Variants in CPS1 observed in about 807,000 individuals in gnomAD.
CPS1 encodes carbamoyl-phosphate synthase [ammonia], mitochondrial.
A neutral mutation model predicts 174.6 loss-of-function variants in CPS1; 109 were observed. That is an observed-to-expected ratio of 0.62 (90% CI 0.53 to 0.73). The LOEUF is 0.73. Among genes scored for constraint, CPS1 ranks in the 30% least tolerant of loss-of-function variants. The pLI, the probability that CPS1 is intolerant of heterozygous loss-of-function variation, is 0.00. For missense variants in CPS1, 1,689 were observed against 1,821.9 expected (o/e 0.93, Z 1.33); for synonymous variants, 637 against 632.0 (o/e 1.01, Z -0.12).
At chr2:210,660,373 A>G (rs1012794646) in intron 31 of CPS1, 112 bp from the exon 32 acceptor site, 1 of 1,058,374 alleles carries the variant, frequency 9.4e-7, no homozygotes, top group Non-Finnish European at 1.5e-6. Context: ...TTAGCAAAAC[A>G]AGAGCTGGTC....
At chr2:210,520,175 G>A (rs1165352621) in intron 1 of CPS1, among the ~76,000 whole-genome samples, 2 of 151,904 alleles carry the variant, frequency 1.3e-5, no homozygotes, top group Non-Finnish European at 2.9e-5. Flanking sequence ...GTTTATTAAT[G>A]TATAATTGAC....
chr2:210,604,970 G>T, intron 16 of CPS1, 132 bp from the exon 17 acceptor site: 1 of 913,740 alleles, frequency 1.1e-6, no homozygotes, highest in Non-Finnish European at 1.7e-6. Flanking sequence ...TGCCTTCTGT[G>T]CAGGGGAGAA....
rs1407453471 is a variant in CPS1, at chr2:210,608,513, A to G, written c.2345A>G (p.His782Arg). The change falls in exon 19 of 38, where the codon CAT becomes CGT. Residue 782 changes from histidine (H) to arginine (R), a missense_variant. His to Arg is a conservative substitution (Grantham distance 29). Transcript: ENST00000233072. ...CCCCGCTGGGATCTTGACCGTTTTC[A>G]TGGAACATCTAGCCGAATTGGTAGC... ...KIPRWDLDRF[H>R]GTSSRIGSSM... The G allele has an allele frequency of 5.0e-6, 8 of 1,612,128 alleles. No individual in the cohort carries two copies. Among genetic ancestry groups the G allele is most frequent in the African/African-American group, 1.3e-5 (1 of 74,770 alleles).
intron 21 of CPS1, among the ~76,000 whole-genome samples, chr2:210,633,365 CTT>C (rs1699930880): frequency 6.6e-6 from 1 of 151,984 alleles, no homozygotes; most frequent in South Asian, 2.1e-4. Context: ...TTTCTCTCTT[CTT>C]TCTCGTTCTC....
intron 1 of CPS1, among the ~76,000 whole-genome samples, chr2:210,571,867 G>T (rs1697504806): frequency 4.8e-5 from 1 of 20,976 alleles, no homozygotes; most frequent in Admixed American, 3.3e-4. Flanking sequence ...GTGTGTGTGT[G>T]TGTGTGTGTG....
chr2:210,612,390 A>G, intron 20 of CPS1, 97 bp downstream of exon 20: 2 of 1,468,372 alleles, frequency 1.4e-6, no homozygotes, highest in East Asian at 4.6e-5. Flanking sequence ...GTGGTTTTAA[A>G]TCAGGGATTT....
At chr2:210,590,720 G>T in intron 8 of CPS1, 80 bp from the exon 9 acceptor site, 1 of 1,034,384 alleles carries the variant, frequency 9.7e-7, no homozygotes, top group Non-Finnish European at 1.5e-6. Context: ...AAGAAAAAAG[G>T]ATACCTCATT....
At chr2:210,602,011 C>T (rs1369884368) in intron 15 of CPS1, among the ~76,000 whole-genome samples, 191 bp from the exon 16 acceptor site, 3 of 151,812 alleles carry the variant, frequency 2.0e-5, no homozygotes, top group South Asian at 4.2e-4. Flanking sequence ...TATATCCTCC[C>T]TTCTAGAATT....
chr2:210,620,653 C>A (rs1574603848), intron 21 of CPS1, among the ~76,000 whole-genome samples: 1 of 151,950 alleles, frequency 6.6e-6, no homozygotes, highest in Non-Finnish European at 1.5e-5. Flanking sequence ...AAGCAGGAGC[C>A]AGCCAGAGAG....
chr2:210,517,355 C>T (rs541114941), intron 1 of CPS1, among the ~76,000 whole-genome samples: 1 of 151,954 alleles, frequency 6.6e-6, no homozygotes, highest in South Asian at 2.1e-4. Flanking sequence ...AAGTCCACGG[C>T]GTGCTCATGA....
At chr2:210,633,584 C>T (rs953716406) in intron 21 of CPS1, among the ~76,000 whole-genome samples, 10 of 152,068 alleles carry the variant, frequency 6.6e-5, no homozygotes, top group East Asian at 3.9e-4. Context: ...TGAATGTAGA[C>T]GACACAAATG....
At chr2:210,611,836 G>C (rs1476051285) in intron 19 of CPS1, among the ~76,000 whole-genome samples, 1 of 151,746 alleles carries the variant, frequency 6.6e-6, no homozygotes, top group Non-Finnish European at 1.5e-5. Context: ...CTATGGTCCA[G>C]AGCAGGTACA....
intron 1 of CPS1, among the ~76,000 whole-genome samples, chr2:210,516,752 G>T (rs1380293614): frequency 1.3e-5 from 2 of 151,844 alleles, no homozygotes; most frequent in African/African-American, 4.8e-5. Flanking sequence ...TATATATGCT[G>T]TTCTCTCTAT....
At chr2:210,541,193 G>A (rs1346432773) in intron 1 of CPS1, among the ~76,000 whole-genome samples, 1 of 152,148 alleles carries the variant, frequency 6.6e-6, no homozygotes, top group Non-Finnish European at 1.5e-5. Context: ...CATCTTTATT[G>A]AGACTGATAG....
At chr2:210,478,922 C>T (rs1220295322) in intron 1 of CPS1, among the ~76,000 whole-genome samples, 818 of 38,950 alleles carry the variant, frequency 0.021, 9 homozygotes, top group African/African-American at 0.037. Context: ...CTCCCCCCTC[C>T]CCCCTTCCCC....
chr2:210,627,868 C>A (rs1211588350), intron 21 of CPS1, among the ~76,000 whole-genome samples: 1 of 152,116 alleles, frequency 6.6e-6, no homozygotes, highest in African/African-American at 2.4e-5. Flanking sequence ...CTTTCTCCTC[C>A]CTGTTGGTCT....
intron 1 of CPS1, among the ~76,000 whole-genome samples, chr2:210,529,588 ATC>A (rs1696063879): frequency 6.6e-6 from 1 of 152,030 alleles, no homozygotes; most frequent in Non-Finnish European, 1.5e-5. Flanking sequence ...TTTCCTTTGA[ATC>A]TGACAAAAAG....
chr2:210,590,138 C>A lies in CPS1; in HGVS notation c.744C>A (p.Asn248Lys), dbSNP rs1161673419. The change falls in exon 8 of 38, where the codon AAC becomes AAA. Residue 248 changes from asparagine to lysine, a missense_variant. Transcript: ENST00000233072. ...RGAEVHLVPW[N>K]HDFTKMEYDG... The stretch of plus-strand genomic sequence containing the variant: ...CTGAAGTGCACTTAGTTCCCTGGAA[C>A]CATGATTTCACCAAGATGGAGTATG... 4 of 1,612,818 alleles carry A rather than the reference C, an allele frequency of 2.5e-6. No homozygotes were observed. Among genetic ancestry groups the A allele is most frequent in the Non-Finnish European group, 3.4e-6 (4 of 1,179,134 alleles).
chr2:210,672,959 A>G (rs890099014), intron 34 of CPS1: 1 of 152,202 alleles, frequency 6.6e-6, no homozygotes, highest in African/African-American at 2.4e-5. Context: ...GTGCTCAGAA[A>G]TACTCTGCAA....
Sources: allele counts gnomAD v4.1 joint callset (sites outside exome capture counted in the v4.1 genomes callset), GRCh38; gene constraint gnomAD v4.1.1; transcripts MANE v1.5; gene names NCBI Gene and HGNC (gene_info 2026-07-23, HGNC 2026-07-21).